The following FER variants were observed in gnomAD, a reference collection of about 807,000 sequenced individuals.
FER encodes FER tyrosine kinase, also known as tyrosine-protein kinase Fer.
In FER, 63 loss-of-function variants were observed where a neutral mutation model predicts 111.0. The observed-to-expected ratio is 0.57, with a 90% CI of 0.46 to 0.70. FER has a LOEUF of 0.70. FER is among the 30% of genes least tolerant of loss of function. The pLI, the probability that FER is intolerant of heterozygous loss-of-function variation, is 0.00. For missense variants in FER, 914 were observed against 954.0 expected (o/e 0.96, Z 0.55); for synonymous variants, 327 against 313.9 (o/e 1.04, Z -0.44).
chr5:108,780,670 G>C (rs56890521), intron 2 of FER, among the ~76,000 whole-genome samples: 2,560 of 152,102 alleles, frequency 0.017, 74 homozygotes, highest in African/African-American at 0.059. Flanking sequence ...TGGTGGTTTA[G>C]TGCTGACATT....
At chr5:108,943,558 T>C (rs1178489519) in intron 10 of FER, among the ~76,000 whole-genome samples, 1 of 152,140 alleles carries the variant, frequency 6.6e-6, no homozygotes, top group African/African-American at 2.4e-5. Flanking sequence ...ATTCTTGCCC[T>C]TTATATCTTT....
intron 1 of FER, among the ~76,000 whole-genome samples, chr5:108,756,744 A>G (rs751970220): frequency 3.3e-5 from 5 of 152,178 alleles, no homozygotes; most frequent in Non-Finnish European, 5.9e-5. Flanking sequence ...AGAAAATTTT[A>G]CAAAGGAAGA....
chr5:108,965,027 T>G (rs1759617728), intron 13 of FER, among the ~76,000 whole-genome samples: 1 of 152,142 alleles, frequency 6.6e-6, no homozygotes, highest in South Asian at 2.1e-4. Context: ...TCAAATTGGA[T>G]TTCCAGGCAT....
chr5:108,848,840 T>A (rs1221272707), intron 5 of FER, among the ~76,000 whole-genome samples: 1 of 152,140 alleles, frequency 6.6e-6, no homozygotes, highest in Non-Finnish European at 1.5e-5. Context: ...ACTTTTAACA[T>A]TTCTTGTAAT....
chr5:108,883,299 T>G (rs1765852405), intron 8 of FER, 97 bp from the exon 9 acceptor site: 1 of 1,183,970 alleles, frequency 8.4e-7, no homozygotes. Flanking sequence ...TGGCTACTGT[T>G]TTGGACATTG....
chr5:108,861,489 G>A (rs942118373), intron 5 of FER, among the ~76,000 whole-genome samples: 1 of 152,072 alleles, frequency 6.6e-6, no homozygotes, highest in Non-Finnish European at 1.5e-5. Flanking sequence ...ATTATGTGGA[G>A]GAGGAAAAAT....
chr5:108,993,311 C>T (rs539735256), intron 13 of FER, among the ~76,000 whole-genome samples: 7 of 152,308 alleles, frequency 4.6e-5, no homozygotes, highest in South Asian at 2.1e-4. Flanking sequence ...CCGAGGCTGG[C>T]GGATCACTCG....
intron 16 of FER, among the ~76,000 whole-genome samples, chr5:109,067,029 C>T (rs1393970604): frequency 6.6e-6 from 1 of 152,110 alleles, no homozygotes; most frequent in Admixed American, 6.5e-5. Flanking sequence ...GGAAAAGGCT[C>T]AGATAATAGC....
intron 6 of FER, among the ~76,000 whole-genome samples, chr5:108,871,122 A>G (rs1764555996): frequency 6.6e-6 from 1 of 152,144 alleles, no homozygotes; most frequent in Non-Finnish European, 1.5e-5. Context: ...CATTTTTGAA[A>G]AGGTAATGCC....
chr5:108,914,035 A>G (rs182294127), intron 10 of FER, among the ~76,000 whole-genome samples: 74 of 152,336 alleles, frequency 4.9e-4, no homozygotes, highest in African/African-American at 1.7e-3. Context: ...AGACACTTCT[A>G]GAGTATAGAC....
intron 13 of FER, among the ~76,000 whole-genome samples, chr5:109,005,405 T>G (rs1581612811): frequency 6.6e-6 from 1 of 151,982 alleles, no homozygotes; most frequent in East Asian, 1.9e-4. Context: ...CTGTATGTGT[T>G]TATTCAAACA....
At chr5:108,949,094 T>C (rs971952520) in intron 11 of FER, among the ~76,000 whole-genome samples, 1 of 152,090 alleles carries the variant, frequency 6.6e-6, no homozygotes, top group East Asian at 1.9e-4. Flanking sequence ...GTAAGTAAGA[T>C]TTGCTTGCTT....
At chr5:108,978,623 A>G (rs1761670022) in intron 13 of FER, among the ~76,000 whole-genome samples, 1 of 152,224 alleles carries the variant, frequency 6.6e-6, no homozygotes, top group African/African-American at 2.4e-5. Flanking sequence ...CCGGGAGTAT[A>G]TTAATTCATC....
At chr5:108,819,736 T>G (rs946355079) in intron 3 of FER, 11 of 935,592 alleles carry the variant, frequency 1.2e-5, no homozygotes, top group East Asian at 1.2e-4. Flanking sequence ...TCATTCTATG[T>G]GAGAGAGAAA....
intron 17 of FER, among the ~76,000 whole-genome samples, chr5:109,109,905 T>TA (rs1223454257): frequency 2.0e-5 from 3 of 152,144 alleles, no homozygotes; most frequent in Non-Finnish European, 4.4e-5. Context: ...AGGGTGTACT[T>TA]ATACATCTAT....
chr5:109,013,687 G>C (rs571001163), intron 13 of FER, among the ~76,000 whole-genome samples: 49 of 152,016 alleles, frequency 3.2e-4, no homozygotes, highest in African/African-American at 9.9e-4. Flanking sequence ...CTAGTTTACA[G>C]TCCCACCAAC....
chr5:109,068,966 C>T (rs1285645024), intron 16 of FER, among the ~76,000 whole-genome samples: 1 of 152,148 alleles, frequency 6.6e-6, no homozygotes, highest in African/African-American at 2.4e-5. Flanking sequence ...GTAGTAGTCG[C>T]CCATTTTGGC....
At chr5:109,114,462 T>G (rs1749995539) in intron 17 of FER, among the ~76,000 whole-genome samples, 1 of 152,038 alleles carries the variant, frequency 6.6e-6, no homozygotes, top group Non-Finnish European at 1.5e-5. Flanking sequence ...CTATCTATAA[T>G]CATGCAGGGT....
chr5:108,916,334 A>G (rs578045271), intron 10 of FER, among the ~76,000 whole-genome samples: 36 of 152,246 alleles, frequency 2.4e-4, no homozygotes, highest in Admixed American at 1.8e-3. Flanking sequence ...GTTTATCTGT[A>G]CTTACTTGAT....
Sources: allele counts gnomAD v4.1 joint callset (sites outside exome capture counted in the v4.1 genomes callset), GRCh38; gene constraint gnomAD v4.1.1; transcripts MANE v1.5; gene names NCBI Gene and HGNC (gene_info 2026-07-23, HGNC 2026-07-21).